The following PCDHA12 variants were observed in gnomAD, a reference collection of about 807,000 sequenced individuals.
PCDHA12 encodes the protein protocadherin alpha 12, also known as protocadherin alpha-12.
A neutral mutation model predicts 60.0 loss-of-function variants in PCDHA12; 44 were observed. The ratio of observed to expected loss-of-function variants is 0.73; its 90% CI spans 0.58 to 0.94. PCDHA12 has a LOEUF of 0.94. PCDHA12 is among the 40% of genes least tolerant of loss of function. PCDHA12 has a pLI of 0.00. For missense variants in PCDHA12, 1,276 were observed against 1,239.7 expected (o/e 1.03, Z -0.44); for synonymous variants, 569 against 553.0 (o/e 1.03, Z -0.40).
rs782469778 is a variant in PCDHA12 at position 140,882,968 on chromosome 5, G to A, written c.2367+5129G>A. The A allele has an allele frequency of 3.7e-6, 6 of 1,614,028 alleles. No homozygotes were observed. The African/African-American group carries it at 8.0e-5, about 22-fold the overall frequency. ...AGTTCAGCTGCTCATCACGATTCTGGACGTGAATGACAACGCCCCGGAATT... is the reference window on the plus strand; with the variant it reads ...AGTTCAGCTGCTCATCACGATTCTGAACGTGAATGACAACGCCCCGGAATT... On this transcript the variant is annotated intron_variant, in intron 1 of 3. Transcript: ENST00000398631.
At chr5:140,994,081 G>A (rs147535219) in intron 3 of PCDHA12, among the ~76,000 whole-genome samples, 2 of 152,260 alleles carry the variant, frequency 1.3e-5, no homozygotes, top group Admixed American at 6.5e-5. Flanking sequence ...AGGGAGAAAT[G>A]TAAAGAAATA....
intron 1 of PCDHA12, among the ~76,000 whole-genome samples, chr5:140,890,116 G>A (rs1290402695): frequency 6.6e-6 from 1 of 152,142 alleles, no homozygotes; most frequent in East Asian, 1.9e-4. Flanking sequence ...ATTCAATGAT[G>A]TCACTTTGGT....
chr5:140,982,596 G>A, intron 3 of PCDHA12, 33 bp downstream of exon 3: 2 of 1,609,850 alleles, frequency 1.2e-6, no homozygotes, highest in South Asian at 2.2e-5. Flanking sequence ...TTCTTTCTTG[G>A]TTTCTGGAAA....
At chr5:140,998,472 A>G (rs1212895520) in intron 3 of PCDHA12, among the ~76,000 whole-genome samples, 1 of 151,938 alleles carries the variant, frequency 6.6e-6, no homozygotes, top group Non-Finnish European at 1.5e-5. Context: ...TTTTCCTCCC[A>G]CTGTGCTGTA....
At chr5:141,005,436 G>T (rs1554260042) in intron 3 of PCDHA12, among the ~76,000 whole-genome samples, 2 of 152,080 alleles carry the variant, frequency 1.3e-5, no homozygotes, top group East Asian at 1.9e-4. Flanking sequence ...TGGATGAGAG[G>T]CTCACGCCTG....
chr5:140,967,368 A>G (rs2096133589), intron 1 of PCDHA12: 1 of 1,607,738 alleles, frequency 6.2e-7, no homozygotes, highest in Non-Finnish European at 8.5e-7. Flanking sequence ...AAGCCCCTGC[A>G]GGAGAACAGT....
At chr5:140,954,653 T>C (rs1467846481) in intron 1 of PCDHA12, among the ~76,000 whole-genome samples, 3 of 152,244 alleles carry the variant, frequency 2.0e-5, no homozygotes, top group Admixed American at 6.5e-5. Flanking sequence ...TTAAGTTCCT[T>C]GTAGACTCTG....
chr5:141,011,429 A>G lies in PCDHA12; in HGVS notation c.*1492A>G, dbSNP rs1554263477. ...TGTGTATGTGAATGTTAATGCAACT[A>G]TTACCTAGAGTGAACTTTAAGCTTT... On this transcript the variant is annotated 3_prime_UTR_variant, in exon 4 of 4. Coordinates refer to ENST00000398631, the MANE Select transcript of PCDHA12 (RefSeq NM_018903.4). 1.3e-5 allele frequency: 2 copies of G among 153,758 alleles called. No homozygotes were observed. Among genetic ancestry groups the G allele is most frequent in the Non-Finnish European group, 2.9e-5 (2 of 68,036 alleles). 9.5% of individuals were successfully genotyped at this position (153,758 alleles called of 1,614,324 possible).
chr5:140,987,277 A>C (rs1326809190), intron 3 of PCDHA12, among the ~76,000 whole-genome samples: 2 of 152,122 alleles, frequency 1.3e-5, no homozygotes, highest in African/African-American at 4.8e-5. Flanking sequence ...CCGGCAGTCT[A>C]TGTTTTAACA....
intron 1 of PCDHA12, among the ~76,000 whole-genome samples, chr5:140,888,197 C>G (rs190439070): frequency 4.6e-5 from 7 of 152,044 alleles, no homozygotes; most frequent in Non-Finnish European, 8.8e-5. Flanking sequence ...TTTACATTGT[C>G]GGATGCTGGA....
At chr5:140,910,408 G>A (rs1165160124) in intron 1 of PCDHA12, among the ~76,000 whole-genome samples, 2 of 152,106 alleles carry the variant, frequency 1.3e-5, no homozygotes, top group African/African-American at 2.4e-5. Flanking sequence ...CTGCCACCTC[G>A]AGATCCAATT....
chr5:140,956,540 G>A (rs1356910892), intron 1 of PCDHA12, among the ~76,000 whole-genome samples: 1 of 152,186 alleles, frequency 6.6e-6, no homozygotes, highest in Non-Finnish European at 1.5e-5. Context: ...TGTGCTGCTG[G>A]ATTTGGTTTG....
intron 1 of PCDHA12, among the ~76,000 whole-genome samples, chr5:140,907,796 A>AG (rs2073616997): frequency 6.6e-6 from 1 of 152,214 alleles, no homozygotes; most frequent in African/African-American, 2.4e-5. Flanking sequence ...AAAGAGGCTA[A>AG]GTGGTGTCCA....
intron 3 of PCDHA12, among the ~76,000 whole-genome samples, chr5:141,003,559 T>C (rs2098129977): frequency 6.6e-6 from 1 of 152,106 alleles, no homozygotes; most frequent in Admixed American, 6.5e-5. Context: ...GTGATCCACC[T>C]GCCTCAGACT....
At chr5:140,992,186 A>G (rs1436291226) in intron 3 of PCDHA12, among the ~76,000 whole-genome samples, 1 of 152,166 alleles carries the variant, frequency 6.6e-6, no homozygotes, top group East Asian at 1.9e-4. Context: ...TCATGCTTTC[A>G]GTGATCTATC....
At chr5:140,996,811 A>G (rs2097746792) in intron 3 of PCDHA12, among the ~76,000 whole-genome samples, 1 of 152,212 alleles carries the variant, frequency 6.6e-6, no homozygotes, top group African/African-American at 2.4e-5. Flanking sequence ...ATGCTTTCCA[A>G]AAGTAACCAC....
At chr5:140,929,386 GAA>G in intron 1 of PCDHA12, 1 of 1,511,328 alleles carries the variant, frequency 6.6e-7, no homozygotes, top group Non-Finnish European at 8.9e-7. Context: ...GCTGTGTTTT[GAA>G]ATATTTCTTA....
intron 1 of PCDHA12, among the ~76,000 whole-genome samples, chr5:140,970,254 T>C (rs1315934666): frequency 1.3e-5 from 2 of 152,238 alleles, no homozygotes; most frequent in African/African-American, 4.8e-5. Context: ...TGACAGTTTC[T>C]ATGGTTTTGA....
At chr5:140,913,145 G>A (rs2076230074) in intron 1 of PCDHA12, among the ~76,000 whole-genome samples, 1 of 152,150 alleles carries the variant, frequency 6.6e-6, no homozygotes, top group Non-Finnish European at 1.5e-5. Context: ...TTTTGGAATA[G>A]TTTGAGTAGG....
Sources: gnomAD v4.1 joint callset for allele counts (sites outside exome capture counted in the v4.1 genomes callset) on GRCh38, gnomAD v4.1.1 for gene constraint, MANE v1.5 for transcripts, NCBI Gene and HGNC (gene_info 2026-07-23, HGNC 2026-07-21) for gene names.